The following IQSEC3 variants were observed in gnomAD, a reference collection of about 807,000 sequenced individuals.
IQSEC3 encodes the protein IQ motif and SEC7 domain-containing protein 3.
IQSEC3 carries 50 observed loss-of-function variants against 105.4 expected under a neutral mutation model. The observed-to-expected ratio is 0.47, with a 90% CI of 0.38 to 0.60. The LOEUF is 0.60. Ranked by LOEUF, IQSEC3 falls within the 20% of genes least tolerant of loss-of-function variation. The pLI, the probability that IQSEC3 is intolerant of heterozygous loss-of-function variation, is 0.00. For synonymous variants in IQSEC3, 708 were observed against 746.0 expected, an observed-to-expected ratio of 0.95 and a Z score of 0.83; for missense variants, 1,415 against 1,630.0, an observed-to-expected ratio of 0.87 and a Z score of 2.27.
chr12:147,833 C>G (rs1284610245), intron 5 of IQSEC3: 1 of 152,192 alleles, frequency 6.6e-6, no homozygotes, highest in African/African-American at 2.4e-5. Context: ...TCGTAAGTCT[C>G]AAGAGGTCTG....
chr12:157,649 C>T lies in IQSEC3; in HGVS notation c.2398C>T (p.Pro800Ser). Reference sequence around the variant, plus strand: ...CGACATGTACAGCCCCAACATCAAGCCTGACCGGAAGATGATGCTGGAGGA... The same window carrying T: ...CGACATGTACAGCCCCAACATCAAGTCTGACCGGAAGATGATGCTGGAGGA... Reference protein sequence around the residue: ...NTDMYSPNIKPDRKMMLEDFI... With the variant: ...NTDMYSPNIKSDRKMMLEDFI... Residue 800 changes from proline to serine, a missense_variant, in exon 7 of 14, where the codon CCT becomes TCT. This residue lies in a region of IQSEC3 where 213 missense variants were observed against 306.2 expected (regional missense o/e 0.70). Coordinates refer to ENST00000538872, the MANE Select transcript of IQSEC3 (RefSeq NM_001170738.2). 1 of 1,614,060 alleles carries T rather than the reference C, an allele frequency of 6.2e-7. No homozygotes were observed. Among genetic ancestry groups the T allele is most frequent in the African/African-American group, 1.3e-5 (1 of 75,062 alleles).
chr12:140,932 G>A, intron 4 of IQSEC3, 192 bp from the exon 5 acceptor site: 1 of 551,914 alleles, frequency 1.8e-6, no homozygotes, highest in Non-Finnish European at 3.2e-6. Context: ...GATCTCCCCT[G>A]TCCTCCTTCT....
rs1939264249 is a variant in IQSEC3 at position 177,188 on chromosome 12, CCG to C, written c.*2156_*2157del. 7.5e-6 allele frequency: 1 copy of C among 133,500 alleles called. No individual in the cohort carries two copies. Among genetic ancestry groups the C allele is most frequent in the African/African-American group, 3.1e-5 (1 of 32,026 alleles). 8.3% of individuals were successfully genotyped at this position (133,500 alleles called of 1,614,324 possible). A position where few individuals can be genotyped will look rare whatever the true frequency, so the allele number is the denominator to read the frequency against. On this transcript the variant is annotated 3_prime_UTR_variant, in exon 14 of 14. Transcript: ENST00000538872. The surrounding 1 kb of genome is among the most constrained non-coding windows in gnomAD (Gnocchi z 5.3). ...AAACTTACCAAGGACAGGCAGGACC[CCG>C]TCCCCTGCTCACACAGCTCTTCAAG... is the stretch of plus-strand genomic sequence containing the variant.
chr12:147,546 G>A (rs544741226), intron 5 of IQSEC3, among the ~76,000 whole-genome samples: 13 of 152,216 alleles, frequency 8.5e-5, no homozygotes, highest in South Asian at 2.1e-4. Context: ...GCCTCCGTGC[G>A]TCATTCCAGG....
Position 158,346 on chromosome 12 carries a change from T to C in IQSEC3, c.2443+652T>C, listed in dbSNP as rs558475420. Among the ~76,000 whole-genome samples, 7 of 152,360 alleles carry C rather than the reference T, an allele frequency of 4.6e-5. No homozygotes were observed. The South Asian group carries it at 1.0e-3, about 23-fold the overall frequency. On this transcript the variant is annotated intron_variant, in intron 7 of 13. Transcript: ENST00000538872. The stretch of plus-strand genomic sequence containing the variant: ...CTTTTTTAGCTATTTGCGTTTCTTC[T>C]GTATCGATAAACCGCAGGCTTCTGC...
chr12:86,939 C>T (rs1863936257), intron 1 of IQSEC3, among the ~76,000 whole-genome samples: 1 of 152,036 alleles, frequency 6.6e-6, no homozygotes, highest in African/African-American at 2.4e-5. Flanking sequence ...TGAAATTGTG[C>T]TCTCTCCTGT....
At chr12:129,666 G>C (rs1337249423) in intron 3 of IQSEC3, among the ~76,000 whole-genome samples, 4 of 152,142 alleles carry the variant, frequency 2.6e-5, no homozygotes, top group Admixed American at 1.3e-4. Flanking sequence ...TTTGTGTCCT[G>C]TTGCAGAGCG....
At chr12:86,470 T>A (rs950644223) in intron 1 of IQSEC3, among the ~76,000 whole-genome samples, 1 of 152,114 alleles carries the variant, frequency 6.6e-6, no homozygotes, top group African/African-American at 2.4e-5. Context: ...GGCTTACTCA[T>A]TGGACCAGGC....
At chr12:146,351 C>T (rs1866268843) in intron 5 of IQSEC3, among the ~76,000 whole-genome samples, 1 of 152,218 alleles carries the variant, frequency 6.6e-6, no homozygotes, top group South Asian at 2.1e-4. Flanking sequence ...GATTGTGGCT[C>T]ACACCTGTGG....
chr12:83,298 G>A (rs1371370050), intron 1 of IQSEC3, among the ~76,000 whole-genome samples: 6 of 152,078 alleles, frequency 3.9e-5, no homozygotes, highest in African/African-American at 1.2e-4. Flanking sequence ...AGGGATTCGC[G>A]GTGAACAAGT....
intron 1 of IQSEC3, among the ~76,000 whole-genome samples, chr12:88,885 G>C (rs1863998419): frequency 6.6e-6 from 1 of 152,178 alleles, no homozygotes; most frequent in Non-Finnish European, 1.5e-5. Flanking sequence ...CAGTAGCAGA[G>C]ACTAATAATA....
At position 81,774 on chromosome 12, in the gene IQSEC3, G is replaced by A. The variant is rs534216744; in HGVS notation, c.554+14338G>A. Among the ~76,000 whole-genome samples the A allele has an allele frequency of 2.6e-5, 4 of 152,304 alleles. No individual in the cohort carries two copies. The South Asian group carries it at 8.3e-4, about 32-fold the overall frequency. ...CCACCAAGGAGTGAGAACAGAAGAT[G>A]AAAGAGGCCTAGGGCAGATTTGCAA... On this transcript the variant is annotated intron_variant, in intron 1 of 13. Coordinates refer to ENST00000538872, the MANE Select transcript of IQSEC3 (RefSeq NM_001170738.2).
chr12:159,948 G>A (rs1866826769), intron 7 of IQSEC3, among the ~76,000 whole-genome samples: 1 of 152,272 alleles, frequency 6.6e-6, no homozygotes, highest in African/African-American at 2.4e-5. Flanking sequence ...TCTGGAAAGT[G>A]TCCCTCAGTG....
intron 2 of IQSEC3, among the ~76,000 whole-genome samples, 179 bp downstream of exon 2, chr12:99,393 T>C (rs1325019184): frequency 6.6e-6 from 1 of 152,186 alleles, no homozygotes; most frequent in Non-Finnish European, 1.5e-5. Flanking sequence ...GGACCCCAAA[T>C]GAGCCGTTCC....
intron 3 of IQSEC3, among the ~76,000 whole-genome samples, chr12:133,133 G>T (rs1253414386): frequency 2.0e-5 from 3 of 152,184 alleles, no homozygotes; most frequent in Non-Finnish European, 2.9e-5. Context: ...GGCTGAGAAG[G>T]TATCCACCTG....
At chr12:119,798 G>A (rs1370476360) in intron 2 of IQSEC3, among the ~76,000 whole-genome samples, 2 of 152,190 alleles carry the variant, frequency 1.3e-5, no homozygotes, top group Admixed American at 1.3e-4. Context: ...GACAGCCCTT[G>A]GAAGGATGTG....
intron 2 of IQSEC3, among the ~76,000 whole-genome samples, chr12:125,182 C>G (rs1865345680): frequency 6.6e-6 from 1 of 152,212 alleles, no homozygotes; most frequent in South Asian, 2.1e-4. Context: ...GTAGCAGTCA[C>G]CATGACTCAG....
intron 1 of IQSEC3, among the ~76,000 whole-genome samples, chr12:82,092 G>A (rs1018118392): frequency 7.2e-5 from 11 of 152,286 alleles, no homozygotes; most frequent in African/African-American, 1.4e-4. Context: ...CCTTTGATCC[G>A]GCTTGATTTA....
intron 3 of IQSEC3, among the ~76,000 whole-genome samples, chr12:133,374 G>T (rs1488010664): frequency 2.0e-5 from 3 of 152,258 alleles, no homozygotes; most frequent in Non-Finnish European, 4.4e-5. Context: ...GGATTAAGGG[G>T]TTGTAGGGAG....
Sources: gnomAD v4.1 joint callset for allele counts (sites outside exome capture counted in the v4.1 genomes callset) on GRCh38, gnomAD v4.1.1 for gene constraint, gnomAD v4.1.1 regional missense constraint, Gnocchi (gnomAD v3.1) non-coding constraint, MANE v1.5 for transcripts, NCBI Gene and HGNC (gene_info 2026-07-23, HGNC 2026-07-21) for gene names.